Variants in EDIL3 observed in about 807,000 individuals in gnomAD.
EDIL3 encodes the protein EGF like and discoidin domains 3, also known as EGF-like repeat and discoidin I-like domain-containing protein 3.
A neutral mutation model predicts 67.4 loss-of-function variants in EDIL3; 37 were observed. The observed-to-expected ratio is 0.55, with a 90% CI of 0.42 to 0.72. The LOEUF is 0.72. EDIL3 is among the 30% of genes least tolerant of loss of function. The pLI is 0.00. For synonymous variants in EDIL3, 195 were observed against 196.3 expected (o/e 0.99, Z 0.05); for missense variants, 527 against 586.3 (o/e 0.90, Z 1.04).
chr5:83,943,663 T>C, intron 10 of EDIL3, 95 bp from the exon 11 acceptor site: 1 of 1,411,992 alleles, frequency 7.1e-7, no homozygotes, highest in South Asian at 1.4e-5. Context: ...CCAAACATGA[T>C]ATTTGATAAC....
chr5:84,004,419 G>A (rs539032985), intron 9 of EDIL3, among the ~76,000 whole-genome samples: 4 of 151,332 alleles, frequency 2.6e-5, no homozygotes, highest in Non-Finnish European at 2.9e-5. Flanking sequence ...CCACACACTC[G>A]GCCATAAAGC....
intron 2 of EDIL3, among the ~76,000 whole-genome samples, chr5:84,235,406 ATTGT>A (rs1744660070): frequency 6.6e-6 from 1 of 152,156 alleles, no homozygotes; most frequent in South Asian, 2.1e-4. Flanking sequence ...TTTTACATGC[ATTGT>A]GATTCCTGTG....
intron 4 of EDIL3, among the ~76,000 whole-genome samples, chr5:84,165,524 G>C (rs781030121): frequency 6.6e-6 from 1 of 152,098 alleles, no homozygotes; most frequent in Admixed American, 6.6e-5. Context: ...AGGATTCACT[G>C]CCTAGGCTGT....
At chr5:84,045,363 C>T (rs891192035) in intron 9 of EDIL3, among the ~76,000 whole-genome samples, 2 of 152,070 alleles carry the variant, frequency 1.3e-5, no homozygotes, top group Non-Finnish European at 2.9e-5. Flanking sequence ...CAGTAAGACA[C>T]ATATCAGAAA....
rs1746615555 is a variant in EDIL3 at position 84,320,553 on chromosome 5, AGACC to A, written c.67+63751_67+63754del. Reference sequence around the variant, plus strand: ...CTCATTGATCAAACATGTCAGTTAGAGACCTGCACACTTAATGAAGATCTCATAG... The same window carrying A: ...CTCATTGATCAAACATGTCAGTTAGATGCACACTTAATGAAGATCTCATAG... On this transcript the variant is annotated intron_variant, in intron 1 of 10. Transcript: ENST00000296591. 3.3e-5 allele frequency among the ~76,000 whole-genome samples: 5 copies of A among 152,226 alleles called. No homozygotes were observed. The South Asian group carries it at 1.0e-3, about 32-fold the overall frequency.
intron 9 of EDIL3, among the ~76,000 whole-genome samples, chr5:84,049,688 G>C (rs75550562): frequency 6.6e-6 from 1 of 152,094 alleles, no homozygotes; most frequent in Non-Finnish European, 1.5e-5. Context: ...CCTTTGGGAG[G>C]CTTTCAGATA....
In EDIL3 at chr5:83,963,393, C is replaced by A. The variant is rs180993401; in HGVS notation, c.1138-33G>T. 1.8e-5 allele frequency: 28 copies of A among 1,550,330 alleles called. 1 individual carries two copies. The African/African-American group carries it at 2.0e-4, about 11-fold the overall frequency. ...AAAAGAAAAATACAGGCTTTAAATG[C>A]GACAACCAAGTTGTAAACTTCCAAG... is the stretch of plus-strand genomic sequence containing the variant. On this transcript the variant is annotated intron_variant, in intron 9 of 10. Transcript: ENST00000296591.
intron 1 of EDIL3, among the ~76,000 whole-genome samples, chr5:84,327,338 T>C (rs1011592826): frequency 6.6e-6 from 1 of 152,026 alleles, no homozygotes; most frequent in African/African-American, 2.4e-5. Context: ...AAAATTTGAT[T>C]GGTATGATTT....
At chr5:84,081,332 T>C (rs1017959760) in intron 6 of EDIL3, among the ~76,000 whole-genome samples, 1 of 152,188 alleles carries the variant, frequency 6.6e-6, no homozygotes, top group Non-Finnish European at 1.5e-5. Context: ...AACTACAGCT[T>C]GTATATCAAG....
intron 1 of EDIL3, among the ~76,000 whole-genome samples, chr5:84,277,998 A>G (rs1745623341): frequency 6.6e-6 from 1 of 152,128 alleles, no homozygotes. Flanking sequence ...TGTGTACCAT[A>G]TTTTCCCCAA....
intron 9 of EDIL3, among the ~76,000 whole-genome samples, chr5:84,057,802 A>C (rs1383396763): frequency 6.6e-6 from 1 of 152,154 alleles, no homozygotes; most frequent in African/African-American, 2.4e-5. Context: ...TTATTCATTC[A>C]ACAAATCTTT....
intron 1 of EDIL3, among the ~76,000 whole-genome samples, chr5:84,357,546 A>G (rs1747512677): frequency 6.6e-6 from 1 of 152,006 alleles, no homozygotes; most frequent in Non-Finnish European, 1.5e-5. Context: ...CCCCCTTTCC[A>G]TATCTCTGTC....
At chr5:84,369,955 T>C in intron 1 of EDIL3, among the ~76,000 whole-genome samples, 1 of 152,184 alleles carries the variant, frequency 6.6e-6, no homozygotes, top group East Asian at 1.9e-4. Flanking sequence ...TACTTGAAAT[T>C]TTAAAACAAA....
chr5:84,156,779 G>C (rs917648163), intron 4 of EDIL3, among the ~76,000 whole-genome samples: 6 of 152,096 alleles, frequency 3.9e-5, no homozygotes, highest in African/African-American at 1.4e-4. Flanking sequence ...AATTACAGAA[G>C]AGTATATTCC....
At chr5:84,041,116 G>A (rs1244745092) in intron 9 of EDIL3, among the ~76,000 whole-genome samples, 4 of 146,842 alleles carry the variant, frequency 2.7e-5, no homozygotes, top group Non-Finnish European at 5.9e-5. Flanking sequence ...GGGAGACAGA[G>A]CAAAACAATG....
At chr5:84,224,100 T>G (rs903941987) in intron 3 of EDIL3, among the ~76,000 whole-genome samples, 20 of 151,408 alleles carry the variant, frequency 1.3e-4, no homozygotes, top group African/African-American at 4.6e-4. Flanking sequence ...AGCTTTATAT[T>G]TGAGGTGATA....
intron 6 of EDIL3, among the ~76,000 whole-genome samples, chr5:84,072,245 C>G (rs62364219): frequency 6.6e-6 from 1 of 151,600 alleles, no homozygotes; most frequent in African/African-American, 2.4e-5. Context: ...GTTGATCAAT[C>G]AAAGATATTA....
intron 4 of EDIL3, among the ~76,000 whole-genome samples, chr5:84,146,373 T>C (rs751312394): frequency 6.6e-6 from 1 of 152,114 alleles, no homozygotes; most frequent in African/African-American, 2.4e-5. Context: ...TAATCACCCA[T>C]ATGTTTCACC....
chr5:84,207,026 G>T (rs1404645206), intron 3 of EDIL3, among the ~76,000 whole-genome samples: 1 of 152,096 alleles, frequency 6.6e-6, no homozygotes, highest in Non-Finnish European at 1.5e-5. Context: ...ATTCAACATA[G>T]TGTTGGAAGT....
Sources: gnomAD v4.1 joint callset for allele counts (sites outside exome capture counted in the v4.1 genomes callset) on GRCh38, gnomAD v4.1.1 for gene constraint, MANE v1.5 for transcripts, NCBI Gene and HGNC (gene_info 2026-07-23, HGNC 2026-07-21) for gene names.